The following TMEM170B variants were observed in gnomAD, a reference collection of about 807,000 sequenced individuals.
TMEM170B encodes transmembrane protein 170B.
A neutral mutation model predicts 13.0 loss-of-function variants in TMEM170B; 6 were observed. That is an observed-to-expected ratio of 0.46 (90% CI 0.25 to 0.91). The LOEUF is 0.91. Among genes scored for constraint, TMEM170B ranks in the 40% least tolerant of loss-of-function variants. The pLI is 0.17. For missense variants in TMEM170B, 138 were observed against 165.2 expected (o/e 0.84, Z 0.90); for synonymous variants, 61 against 64.9 (o/e 0.94, Z 0.29).
chr6:11,546,092 G>T (rs1759436733), intron 1 of TMEM170B, among the ~76,000 whole-genome samples: 1 of 150,860 alleles, frequency 6.6e-6, no homozygotes, highest in Non-Finnish European at 1.5e-5. Context: ...AGAAGAAGAC[G>T]TTGTTACCTT....
chr6:11,549,653 ACTCCGT>A (rs1451819567), intron 1 of TMEM170B, among the ~76,000 whole-genome samples: 1 of 149,228 alleles, frequency 6.7e-6, no homozygotes, highest in African/African-American at 2.5e-5. Context: ...ACAGAGCGAG[ACTCCGT>A]CTCAAAAAAA....
intron 1 of TMEM170B, among the ~76,000 whole-genome samples, chr6:11,540,348 C>T (rs1218592933): frequency 6.6e-6 from 1 of 152,148 alleles, no homozygotes; most frequent in Admixed American, 6.5e-5. Flanking sequence ...CTTTATCAAC[C>T]GAGTTTATCT....
At chr6:11,555,559 A>G (rs1161713371) in intron 1 of TMEM170B, among the ~76,000 whole-genome samples, 5 of 152,174 alleles carry the variant, frequency 3.3e-5, no homozygotes, top group East Asian at 1.9e-4. Context: ...CTCCAATTAC[A>G]TATATGTTAA....
In TMEM170B at chr6:11,575,589, A is replaced by G. The variant is rs772433985; in HGVS notation, c.*28A>G. The G allele has an allele frequency of 1.9e-5, 30 of 1,610,710 alleles. No homozygotes were observed. In the South Asian group the frequency reaches 3.2e-4, roughly 17 times the overall value. On this transcript the variant is annotated 3_prime_UTR_variant, in exon 3 of 3. Transcript: ENST00000379426. The surrounding 1 kb of genome is among the most constrained non-coding windows in gnomAD (Gnocchi z 4.1). Reference sequence around the variant, plus strand: ...TTTCTGTGGGAATGTCTTACTTCACATAAGGAAACAGATGTACAGATTCCC... The same window carrying G: ...TTTCTGTGGGAATGTCTTACTTCACGTAAGGAAACAGATGTACAGATTCCC...
At chr6:11,557,061 T>C (rs1182761539) in intron 1 of TMEM170B, among the ~76,000 whole-genome samples, 1 of 152,198 alleles carries the variant, frequency 6.6e-6, no homozygotes, top group Non-Finnish European at 1.5e-5. Context: ...AAGGTTGATA[T>C]GTTAACCCAT....
At chr6:11,556,380 G>T (rs888568236) in intron 1 of TMEM170B, among the ~76,000 whole-genome samples, 7 of 149,094 alleles carry the variant, frequency 4.7e-5, no homozygotes, top group Non-Finnish European at 9.1e-5. Flanking sequence ...CTGTACTGCA[G>T]GGTTATTCTC....
intron 1 of TMEM170B, among the ~76,000 whole-genome samples, chr6:11,555,757 ATC>A (rs1759579209): frequency 6.6e-6 from 1 of 152,184 alleles, no homozygotes; most frequent in African/African-American, 2.4e-5. Context: ...AAACTGGGCC[ATC>A]TCTGACTCTG....
At chr6:11,572,286 T>A (rs1363783651) in intron 2 of TMEM170B, among the ~76,000 whole-genome samples, 1 of 152,188 alleles carries the variant, frequency 6.6e-6, no homozygotes, top group Non-Finnish European at 1.5e-5. Context: ...GGCCATAGAA[T>A]GGATAAATAA....
At chr6:11,561,904 A>G (rs1361085906) in intron 1 of TMEM170B, among the ~76,000 whole-genome samples, 1 of 152,218 alleles carries the variant, frequency 6.6e-6, no homozygotes, top group African/African-American at 2.4e-5. Context: ...TCTATTAGGT[A>G]GATTTATTGT....
Position 11,581,133 on chromosome 6 carries a change from A to G in TMEM170B, c.*5572A>G, listed in dbSNP as rs529066328. On this transcript the variant is annotated 3_prime_UTR_variant, in exon 3 of 3. Transcript: ENST00000379426. ...AACACATTTCTGAGTGAACTGAGCT[A>G]TGAACTATAATCATCTCTTCCCCTG... is the stretch of plus-strand genomic sequence containing the variant. The G allele has an allele frequency of 2.0e-5, 3 of 152,338 alleles. No homozygotes were observed. Among genetic ancestry groups the G allele is most frequent in the African/African-American group, 4.8e-5 (2 of 41,578 alleles). The allele number at this position is 152,338 out of a possible 1,614,324, so 9.4% of individuals were successfully genotyped here. A position where few individuals can be genotyped will look rare whatever the true frequency, so the allele number is the denominator to read the frequency against.
chr6:11,561,545 T>C (rs775505713), intron 1 of TMEM170B, among the ~76,000 whole-genome samples: 2 of 152,210 alleles, frequency 1.3e-5, no homozygotes, highest in Non-Finnish European at 2.9e-5. Flanking sequence ...CCTTAGACTT[T>C]AAGTCTTGCT....
intron 1 of TMEM170B, among the ~76,000 whole-genome samples, chr6:11,562,271 T>C (rs959881482): frequency 4.6e-5 from 7 of 151,970 alleles, no homozygotes; most frequent in African/African-American, 1.7e-4. Context: ...GGTTTTTAAA[T>C]TTTAATGTAT....
intron 1 of TMEM170B, among the ~76,000 whole-genome samples, chr6:11,559,932 TAGAG>T (rs1205653135): frequency 6.6e-6 from 1 of 151,958 alleles, no homozygotes; most frequent in Non-Finnish European, 1.5e-5. Context: ...TGACTTTTAA[TAGAG>T]AGGTTGGGTT....
intron 2 of TMEM170B, among the ~76,000 whole-genome samples, chr6:11,570,033 A>G (rs1410066427): frequency 1.3e-5 from 2 of 152,010 alleles, no homozygotes; most frequent in Admixed American, 6.6e-5. Flanking sequence ...ATTTTAGACT[A>G]TGTCTACTGG....
intron 1 of TMEM170B, among the ~76,000 whole-genome samples, chr6:11,562,205 G>T (rs1759675378): frequency 6.6e-6 from 1 of 151,848 alleles, no homozygotes; most frequent in South Asian, 2.1e-4. Context: ...CACTTTATTA[G>T]GTTCACTTAG....
chr6:11,542,883 A>G (rs1490450723), intron 1 of TMEM170B, among the ~76,000 whole-genome samples: 2 of 152,178 alleles, frequency 1.3e-5, no homozygotes, highest in Admixed American at 1.3e-4. Flanking sequence ...TATTATTTCT[A>G]ATCTTCAGAA....
At chr6:11,553,695 A>G (rs1759552476) in intron 1 of TMEM170B, among the ~76,000 whole-genome samples, 2 of 152,226 alleles carry the variant, frequency 1.3e-5, no homozygotes, top group African/African-American at 4.8e-5. Flanking sequence ...ACTAGGATTT[A>G]AGAAAAAATG....
chr6:11,565,610 T>C (rs1759722983), intron 1 of TMEM170B, 56 bp from the exon 2 acceptor site: 1 of 1,595,024 alleles, frequency 6.3e-7, no homozygotes, highest in Non-Finnish European at 8.6e-7. Context: ...GTTTGTTAAA[T>C]TGAATTTTCT....
chr6:11,543,878 T>C (rs138603855), intron 1 of TMEM170B, among the ~76,000 whole-genome samples: 1 of 152,350 alleles, frequency 6.6e-6, no homozygotes, highest in Non-Finnish European at 1.5e-5. Context: ...TGGGAAAATA[T>C]ACTGACCTTT....
Sources: allele counts gnomAD v4.1 joint callset (sites outside exome capture counted in the v4.1 genomes callset), GRCh38; gene constraint gnomAD v4.1.1; non-coding constraint Gnocchi (gnomAD v3.1); transcripts MANE v1.5; gene names NCBI Gene and HGNC (gene_info 2026-07-23, HGNC 2026-07-21).